FHIT: variants seen among roughly 807,000 people sequenced by gnomAD.
The protein encoded by FHIT is bis(5'-adenosyl)-triphosphatase.
In FHIT, 19 loss-of-function variants were observed where a neutral mutation model predicts 17.9. The observed-to-expected ratio is 1.06, with a 90% confidence interval of 0.74 to 1.56. FHIT has a LOEUF of 1.56. Among genes scored for constraint, FHIT ranks in the 40% most tolerant of loss-of-function variants. FHIT has a pLI of 0.00. For missense variants in FHIT, 248 were observed against 189.2 expected (o/e 1.31, Z -1.82); for synonymous variants, 81 against 69.7 (o/e 1.16, Z -0.81).
chr3:60,553,441 A>AAT (rs373735298), intron 4 of FHIT: 5,464 of 482,134 alleles, frequency 0.011, 103 homozygotes, highest in African/African-American at 0.058. Context: ...ACTGCTTTAA[A>AAT]ATATATATAT....
intron 5 of FHIT, among the ~76,000 whole-genome samples, chr3:60,458,592 AATAAT>A (rs1192441173): frequency 2.0e-5 from 3 of 151,818 alleles, no homozygotes; most frequent in East Asian, 3.9e-4. Context: ...GTGTAATAAT[AATAAT>A]AATAATAAAA....
chr3:60,292,444 A>C (rs1708030559), intron 5 of FHIT, among the ~76,000 whole-genome samples: 1 of 152,068 alleles, frequency 6.6e-6, no homozygotes, highest in African/African-American at 2.4e-5. Flanking sequence ...GTGTCCTCCT[A>C]ACTTGGATGT....
At chr3:60,605,344 T>G (rs1490796451) in intron 4 of FHIT, among the ~76,000 whole-genome samples, 1 of 152,192 alleles carries the variant, frequency 6.6e-6, no homozygotes, top group Non-Finnish European at 1.5e-5. Flanking sequence ...ATGGCTCAGC[T>G]CTGGTGAGAA....
chr3:60,312,316 T>C (rs1708984685), intron 5 of FHIT, among the ~76,000 whole-genome samples: 1 of 152,006 alleles, frequency 6.6e-6, no homozygotes, highest in Admixed American at 6.6e-5. Flanking sequence ...TTTTTAAAAA[T>C]TTTTTTGTAC....
intron 8 of FHIT, among the ~76,000 whole-genome samples, chr3:59,801,655 C>T (rs574816430): frequency 2.6e-5 from 4 of 152,212 alleles, no homozygotes; most frequent in African/African-American, 9.6e-5. Flanking sequence ...ATGCTAGATA[C>T]ACCACCAAGC....
chr3:60,603,803 T>C lies in FHIT; in HGVS notation c.-17-66824A>G, dbSNP rs556566142. Reference sequence around the variant, plus strand: ...AATGAGTAGAATGTATCCAAGGCAATAACACTATAAGGCTCTGTTTCATTT... The same window carrying C: ...AATGAGTAGAATGTATCCAAGGCAACAACACTATAAGGCTCTGTTTCATTT... On this transcript the variant is annotated intron_variant, in intron 4 of 9. Coordinates refer to ENST00000492590, the MANE Select transcript of FHIT (RefSeq NM_002012.4). Among the ~76,000 whole-genome samples, 11 of 152,202 alleles carry C rather than the reference T, an allele frequency of 7.2e-5. No homozygotes were observed. The East Asian group carries it at 2.1e-3, about 29-fold the overall frequency.
At chr3:60,143,614 C>T (rs115040148) in intron 5 of FHIT, among the ~76,000 whole-genome samples, 1,562 of 152,152 alleles carry the variant, frequency 0.01, 19 homozygotes, top group African/African-American at 0.036. Context: ...ATTTGTTATG[C>T]AGCAATGGAA....
rs1444998889 is a variant in FHIT, at chr3:61,201,433, T to G, written c.-212-768A>C. 2.0e-5 allele frequency among the ~76,000 whole-genome samples: 3 copies of G among 152,348 alleles called. No homozygotes were observed. The East Asian group carries it at 5.8e-4, about 29-fold the overall frequency. On this transcript the variant is annotated intron_variant, in intron 1 of 9. Coordinates refer to ENST00000492590, the MANE Select transcript of FHIT (RefSeq NM_002012.4). ...CATAAGGTGCCTCTACAGTCACCAG[T>G]AATGGGAATATGATTCTTTCTCTCA... is the stretch of plus-strand genomic sequence containing the variant.
chr3:61,239,776 T>TATATATATATATATATAG (rs1560104308), intron 1 of FHIT, among the ~76,000 whole-genome samples: 1 of 138,594 alleles, frequency 7.2e-6, no homozygotes, highest in Non-Finnish European at 1.6e-5. Context: ...TATATATATA[T>TATATATATATATATATAG]ATATATATAC....
chr3:60,552,197 T>C (rs967759918), intron 4 of FHIT, among the ~76,000 whole-genome samples: 19 of 152,188 alleles, frequency 1.2e-4, no homozygotes, highest in African/African-American at 4.6e-4. Context: ...TAATACCCCA[T>C]TGTATGTATA....
At chr3:59,806,718 G>A (rs1200897982) in intron 8 of FHIT, among the ~76,000 whole-genome samples, 15 of 12,832 alleles carry the variant, frequency 1.2e-3, no homozygotes, top group African/African-American at 3.4e-3. Context: ...ATATACATAT[G>A]TATATACATA....
chr3:61,076,595 T>TA (rs2034979551), intron 2 of FHIT, among the ~76,000 whole-genome samples: 1 of 152,170 alleles, frequency 6.6e-6, no homozygotes, highest in South Asian at 2.1e-4. Flanking sequence ...ATACAATACA[T>TA]AAAAGATGAA....
chr3:61,085,184 T>C (rs1425462070), intron 2 of FHIT, among the ~76,000 whole-genome samples: 1 of 152,186 alleles, frequency 6.6e-6, no homozygotes, highest in Non-Finnish European at 1.5e-5. Context: ...TGCTAAGTCT[T>C]ATGGTAAGTA....
chr3:60,845,259 T>G (rs1045038314), intron 3 of FHIT, among the ~76,000 whole-genome samples: 5 of 151,992 alleles, frequency 3.3e-5, no homozygotes. Flanking sequence ...AAAATTTTTT[T>G]TGTGATGCAG....
At chr3:60,259,954 G>A (rs1388829273) in intron 5 of FHIT, among the ~76,000 whole-genome samples, 1 of 151,968 alleles carries the variant, frequency 6.6e-6, no homozygotes, top group Non-Finnish European at 1.5e-5. Context: ...ACCTAGCAAT[G>A]GATACCCCTG....
At chr3:60,197,597 A>G (rs1301824957) in intron 5 of FHIT, among the ~76,000 whole-genome samples, 2 of 152,210 alleles carry the variant, frequency 1.3e-5, no homozygotes, top group Non-Finnish European at 2.9e-5. Flanking sequence ...GTTTGGTAAC[A>G]CTATACAACA....
chr3:61,250,516 G>A (rs753280817), intron 1 of FHIT, among the ~76,000 whole-genome samples: 5 of 152,166 alleles, frequency 3.3e-5, no homozygotes, highest in African/African-American at 9.6e-5. Context: ...CACTTGACCT[G>A]GGAGCATTGA....
At chr3:60,609,700 T>A (rs1553672698) in intron 4 of FHIT, among the ~76,000 whole-genome samples, 4 of 152,114 alleles carry the variant, frequency 2.6e-5, no homozygotes, top group Non-Finnish European at 5.9e-5. Flanking sequence ...CCACCCTAAC[T>A]CTCAAATAGC....
intron 3 of FHIT, among the ~76,000 whole-genome samples, chr3:60,871,063 A>G (rs1472702255): frequency 6.6e-6 from 1 of 152,162 alleles, no homozygotes; most frequent in Non-Finnish European, 1.5e-5. Flanking sequence ...TAGGAAGAAA[A>G]GGAATCCCAT....
Sources: gnomAD v4.1 joint callset for allele counts (sites outside exome capture counted in the v4.1 genomes callset) on GRCh38, gnomAD v4.1.1 for gene constraint, MANE v1.5 for transcripts, NCBI Gene and HGNC (gene_info 2026-07-23, HGNC 2026-07-21) for gene names.